The following SMOC2 variants were observed in gnomAD, a reference collection of about 807,000 sequenced individuals.
The protein encoded by SMOC2 is SPARC-related modular calcium-binding protein 2.
A neutral mutation model predicts 61.4 loss-of-function variants in SMOC2; 39 were observed. The observed-to-expected ratio is 0.64, with a 90% CI of 0.49 to 0.83. The LOEUF (loss-of-function observed/expected upper bound fraction) is 0.83. Ranked by LOEUF, SMOC2 falls within the 40% of genes least tolerant of loss-of-function variation. The probability of loss-of-function intolerance (pLI) is 0.00; values close to 1 mark genes in which losing one functional copy is unlikely to be tolerated. For missense variants in SMOC2, 556 were observed against 592.9 expected (o/e 0.94, Z 0.65); for synonymous variants, 247 against 239.9 (o/e 1.03, Z -0.27).
chr6:168,663,708 A>G (rs1345838330), intron 11 of SMOC2, among the ~76,000 whole-genome samples: 1 of 152,218 alleles, frequency 6.6e-6, no homozygotes, highest in African/African-American at 2.4e-5. Flanking sequence ...ATGCTCAGAG[A>G]AAGAAAAGAT....
chr6:168,528,960 A>G (rs994321583), intron 4 of SMOC2, among the ~76,000 whole-genome samples: 1 of 152,174 alleles, frequency 6.6e-6, no homozygotes, highest in African/African-American at 2.4e-5. Flanking sequence ...CAGCATTTTG[A>G]GGTGAGCCTT....
At chr6:168,443,113 A>AC (rs1038361378) in intron 1 of SMOC2, among the ~76,000 whole-genome samples, 3 of 152,226 alleles carry the variant, frequency 2.0e-5, no homozygotes, top group Non-Finnish European at 4.4e-5. Context: ...TTCTTCCAGG[A>AC]CTGTAGCAGC....
chr6:168,502,568 A>C (rs1782755893), intron 1 of SMOC2, among the ~76,000 whole-genome samples: 1 of 152,272 alleles, frequency 6.6e-6, no homozygotes, highest in East Asian at 1.9e-4. Flanking sequence ...AGTAAATAGA[A>C]CAAAAAGGCA....
At chr6:168,601,437 A>T (rs1785553253) in intron 8 of SMOC2, among the ~76,000 whole-genome samples, 1 of 152,188 alleles carries the variant, frequency 6.6e-6, no homozygotes, top group African/African-American at 2.4e-5. Context: ...ATTGGTTCAA[A>T]CCCGTGTGCT....
intron 9 of SMOC2, 66 bp downstream of exon 9, chr6:168,608,305 G>T (rs780327072): frequency 6.6e-7 from 1 of 1,511,286 alleles, no homozygotes; most frequent in South Asian, 1.2e-5. Context: ...TGCAAATTTG[G>T]AATGAAAAAG....
At chr6:168,506,037 C>G (rs955979642) in intron 1 of SMOC2, among the ~76,000 whole-genome samples, 36 of 151,040 alleles carry the variant, frequency 2.4e-4, no homozygotes, top group African/African-American at 8.3e-4. Context: ...GAGACAAGGT[C>G]TCACTTGCCC....
intron 4 of SMOC2, among the ~76,000 whole-genome samples, chr6:168,534,441 G>GC (rs1783687446): frequency 6.6e-6 from 1 of 152,226 alleles, no homozygotes; most frequent in Non-Finnish European, 1.5e-5. Context: ...GTCTGCCAGG[G>GC]CCCGGACTGG....
chr6:168,612,710 G>A (rs866111402), intron 9 of SMOC2, among the ~76,000 whole-genome samples: 12 of 152,336 alleles, frequency 7.9e-5, no homozygotes, highest in Middle Eastern at 3.4e-3. Context: ...CTGCGGCACC[G>A]GCTCCATTTG....
chr6:168,612,471 G>A (rs1373065847), intron 9 of SMOC2, among the ~76,000 whole-genome samples: 2 of 141,184 alleles, frequency 1.4e-5, no homozygotes, highest in African/African-American at 2.7e-5. Flanking sequence ...GAGGGTGACC[G>A]CAGCCTTTAC....
Position 168,535,676 on chromosome 6 carries a change from A to G in SMOC2, c.463+7949A>G, listed in dbSNP as rs955790971. Among the ~76,000 whole-genome samples, 2 of 152,214 alleles carry G rather than the reference A, an allele frequency of 1.3e-5. No individual in the cohort carries two copies. Among genetic ancestry groups the G allele is most frequent in the Non-Finnish European group, 2.9e-5 (2 of 68,040 alleles). ...AAATAACATAAAGGATCACTGAGCA[A>G]AAACAAATGGATTGCATTTGGTTTC... On this transcript the variant is annotated intron_variant, in intron 4 of 12. Transcript: ENST00000356284. This position sits in a 1 kb window ranked among gnomAD's most constrained non-coding sequence, Gnocchi z 4.6.
chr6:168,595,306 C>T lies in SMOC2; in HGVS notation c.638-3512C>T, dbSNP rs139006012. On this transcript the variant is annotated intron_variant, in intron 7 of 12. Transcript: ENST00000356284. ...CTCCTTGGGTTCCTTCCTGGAGTCA[C>T]GGCCCCATGCGCCTCCCCAAGACGG... Among the ~76,000 whole-genome samples, 207 of 152,314 alleles carry T rather than the reference C, an allele frequency of 1.4e-3. 1 individual carries two copies. The highest frequency in any genetic ancestry group is 4.6e-3 in the African/African-American group (192 of 41,562).
intron 1 of SMOC2, among the ~76,000 whole-genome samples, chr6:168,450,965 C>G (rs139924234): frequency 6.6e-6 from 1 of 152,156 alleles, no homozygotes; most frequent in Non-Finnish European, 1.5e-5. Context: ...CATCTTGATT[C>G]CATTATCCTA....
intron 7 of SMOC2, among the ~76,000 whole-genome samples, chr6:168,556,422 AC>A (rs1784253262): frequency 6.6e-6 from 1 of 151,992 alleles, no homozygotes; most frequent in Non-Finnish European, 1.5e-5. Flanking sequence ...GCACCTCCCC[AC>A]GCGGGAAGCT....
intron 9 of SMOC2, among the ~76,000 whole-genome samples, chr6:168,608,533 C>T (rs1016696988): frequency 2.6e-5 from 4 of 152,172 alleles, no homozygotes; most frequent in Non-Finnish European, 4.4e-5. Flanking sequence ...ACCCTAACCT[C>T]TCTAGATGCT....
chr6:168,615,190 C>G (rs1786038440), intron 9 of SMOC2, among the ~76,000 whole-genome samples: 1 of 81,404 alleles, frequency 1.2e-5, no homozygotes, highest in Non-Finnish European at 2.5e-5. Flanking sequence ...TTCACACCTA[C>G]AGCCAGCACA....
intron 9 of SMOC2, among the ~76,000 whole-genome samples, chr6:168,635,257 C>T (rs9456260): frequency 0.15 from 22,340 of 152,192 alleles, 1,753 homozygotes; most frequent in Middle Eastern, 0.24. Context: ...GTTCACCAGA[C>T]GTACGCCGGA....
intron 5 of SMOC2, among the ~76,000 whole-genome samples, chr6:168,545,097 A>G (rs1340012353): frequency 6.6e-6 from 1 of 152,152 alleles, no homozygotes; most frequent in Non-Finnish European, 1.5e-5. Context: ...AGTCGAGAAG[A>G]TAATGGTGTG....
At chr6:168,526,250 T>C in intron 2 of SMOC2, 96 bp from the exon 3 acceptor site, 2 of 1,134,872 alleles carry the variant, frequency 1.8e-6, no homozygotes, top group Non-Finnish European at 1.3e-6. Context: ...TCAGCACTCC[T>C]GCCTAACTCA....
At chr6:168,533,906 G>C (rs1025486061) in intron 4 of SMOC2, among the ~76,000 whole-genome samples, 173 of 152,272 alleles carry the variant, frequency 1.1e-3, no homozygotes, top group African/African-American at 3.9e-3. Context: ...GGTCACTTCA[G>C]CAATCAAGCC....
Sources: gnomAD v4.1 joint callset for allele counts (sites outside exome capture counted in the v4.1 genomes callset) on GRCh38, gnomAD v4.1.1 for gene constraint, Gnocchi (gnomAD v3.1) non-coding constraint, MANE v1.5 for transcripts, NCBI Gene and HGNC (gene_info 2026-07-23, HGNC 2026-07-21) for gene names.